The following ERC2 variants were observed in gnomAD, a reference collection of about 807,000 sequenced individuals.
The protein encoded by ERC2 is ELKS/RAB6-interacting/CAST family member 2.
ERC2 carries 42 observed loss-of-function variants against 114.8 expected under a neutral mutation model. The observed-to-expected ratio is 0.37, with a 90% CI of 0.29 to 0.47. The LOEUF is 0.47. Among genes scored for constraint, ERC2 ranks in the 20% least tolerant of loss-of-function variants. The pLI, the probability that ERC2 is intolerant of heterozygous loss-of-function variation, is 0.99. For missense variants in ERC2, 939 were observed against 1,150.7 expected, an observed-to-expected ratio of 0.82 and a Z score of 2.66; for synonymous variants, 454 against 425.5, an observed-to-expected ratio of 1.07 and a Z score of -0.82.
chr3:56,245,129 A>T (rs2051594293), intron 3 of ERC2, among the ~76,000 whole-genome samples: 1 of 151,904 alleles, frequency 6.6e-6, no homozygotes, highest in East Asian at 1.9e-4. Flanking sequence ...ACCTAATGTC[A>T]CATTTCTCAG....
At chr3:56,153,441 C>T (rs2081535907) in intron 4 of ERC2, among the ~76,000 whole-genome samples, 1 of 152,168 alleles carries the variant, frequency 6.6e-6, no homozygotes, top group East Asian at 1.9e-4. Context: ...TTCTAAATGA[C>T]TGTACATGTC....
chr3:56,427,389 G>T (rs992269290), intron 2 of ERC2, among the ~76,000 whole-genome samples: 1 of 152,132 alleles, frequency 6.6e-6, no homozygotes, highest in Non-Finnish European at 1.5e-5. Flanking sequence ...GCCTCCCAAA[G>T]TATTGGGATT....
intron 15 of ERC2, among the ~76,000 whole-genome samples, chr3:55,730,201 C>A (rs1242633727): frequency 6.6e-6 from 1 of 152,080 alleles, no homozygotes; most frequent in Non-Finnish European, 1.5e-5. Context: ...CCAGGGCCAA[C>A]GCTGCACCAG....
intron 14 of ERC2, among the ~76,000 whole-genome samples, chr3:55,848,160 A>T (rs2061441138): frequency 6.6e-6 from 1 of 152,180 alleles, no homozygotes; most frequent in African/African-American, 2.4e-5. Flanking sequence ...AAGTAACTGA[A>T]AAAACTTCAG....
intron 3 of ERC2, among the ~76,000 whole-genome samples, chr3:56,262,412 C>A (rs1446424554): frequency 6.6e-6 from 1 of 152,112 alleles, no homozygotes; most frequent in Non-Finnish European, 1.5e-5. Flanking sequence ...AAGATGATGG[C>A]AGAAGAGGAA....
At chr3:56,259,884 TG>T (rs2052797372) in intron 3 of ERC2, among the ~76,000 whole-genome samples, 1 of 152,132 alleles carries the variant, frequency 6.6e-6, no homozygotes, top group South Asian at 2.1e-4. Context: ...TCAAGAGCTA[TG>T]GGTTGGCTGA....
At chr3:56,015,651 G>C (rs904736573) in intron 8 of ERC2, among the ~76,000 whole-genome samples, 1 of 152,090 alleles carries the variant, frequency 6.6e-6, no homozygotes, top group African/African-American at 2.4e-5. Context: ...TTGCTATTGT[G>C]GATAGTACTG....
intron 14 of ERC2, among the ~76,000 whole-genome samples, chr3:55,738,597 A>C (rs886233433): frequency 1.3e-5 from 2 of 152,100 alleles, no homozygotes; most frequent in Non-Finnish European, 2.9e-5. Context: ...ACAATGTCTG[A>C]TACAATCTAC....
At chr3:55,736,339 C>T (rs140478086) in intron 14 of ERC2, among the ~76,000 whole-genome samples, 35 of 152,242 alleles carry the variant, frequency 2.3e-4, no homozygotes, top group Admixed American at 3.3e-4. Context: ...CGTTCCAGGT[C>T]TCTGCTAGTC....
chr3:56,024,631 T>C (rs1174507221), intron 7 of ERC2, among the ~76,000 whole-genome samples: 1 of 152,210 alleles, frequency 6.6e-6, no homozygotes, highest in East Asian at 1.9e-4. Context: ...AAACCAAGTG[T>C]TAGCAGTTTC....
intron 17 of ERC2, among the ~76,000 whole-genome samples, chr3:55,629,133 C>T (rs1322244147): frequency 1.3e-5 from 2 of 151,182 alleles, no homozygotes; most frequent in East Asian, 3.9e-4. Context: ...ACCCACCCTC[C>T]ATAAAGCAAG....
intron 2 of ERC2, among the ~76,000 whole-genome samples, chr3:56,433,300 G>A (rs549759008): frequency 1.9e-4 from 29 of 152,128 alleles, no homozygotes; most frequent in African/African-American, 6.7e-4. Context: ...AATAAAGTAG[G>A]CATTAAAAAA....
intron 2 of ERC2, among the ~76,000 whole-genome samples, chr3:56,367,931 A>G (rs1434387423): frequency 1.4e-5 from 2 of 138,926 alleles, no homozygotes; most frequent in Non-Finnish European, 3.1e-5. Flanking sequence ...CCCAGGAGAG[A>G]CTCCATCTCT....
intron 3 of ERC2, among the ~76,000 whole-genome samples, chr3:56,236,237 G>A (rs1238254321): frequency 1.3e-5 from 2 of 151,934 alleles, no homozygotes; most frequent in South Asian, 2.1e-4. Flanking sequence ...AGCAATAGAG[G>A]GCTGCATATA....
chr3:55,514,003 C>T (rs759565919), intron 17 of ERC2, among the ~76,000 whole-genome samples: 3 of 152,224 alleles, frequency 2.0e-5, no homozygotes, highest in East Asian at 1.9e-4. Context: ...ATTCCCTATC[C>T]GAATCCCTGG....
At chr3:56,331,200 G>C (rs1370952109) in intron 2 of ERC2, among the ~76,000 whole-genome samples, 1 of 152,182 alleles carries the variant, frequency 6.6e-6, no homozygotes, top group Non-Finnish European at 1.5e-5. Flanking sequence ...AGTTTAGAGA[G>C]AATCCCCTAC....
chr3:56,295,892 G>T (rs1320368500), intron 3 of ERC2, 127 bp downstream of exon 3: 4 of 1,031,604 alleles, frequency 3.9e-6, no homozygotes, highest in Admixed American at 3.0e-5. Context: ...CGGCAGGAAG[G>T]TCATAAAGCA....
intron 7 of ERC2, among the ~76,000 whole-genome samples, chr3:56,051,427 G>A (rs758050567): frequency 2.0e-5 from 3 of 152,110 alleles, no homozygotes; most frequent in African/African-American, 4.8e-5. Context: ...AAAGGGGGTG[G>A]GAGTGCAGAG....
intron 17 of ERC2, among the ~76,000 whole-genome samples, chr3:55,627,450 A>G (rs1263190186): frequency 6.6e-6 from 1 of 152,140 alleles, no homozygotes; most frequent in African/African-American, 2.4e-5. Flanking sequence ...TGGGCGACAG[A>G]GCGAGACTCC....
Sources: allele counts gnomAD v4.1 joint callset (sites outside exome capture counted in the v4.1 genomes callset), GRCh38; gene constraint gnomAD v4.1.1; transcripts MANE v1.5; gene names NCBI Gene and HGNC (gene_info 2026-07-23, HGNC 2026-07-21).